LRRC49: variants seen among roughly 807,000 people sequenced by gnomAD.
LRRC49 encodes leucine rich repeat containing 49.
A neutral mutation model predicts 83.3 loss-of-function variants in LRRC49; 50 were observed. That is an observed-to-expected ratio of 0.60 (90% CI 0.48 to 0.76). The LOEUF (loss-of-function observed/expected upper bound fraction) is 0.76, where lower values mean the gene tolerates loss of function less well. LRRC49 is among the 30% of genes least tolerant of loss of function. The pLI, the probability that LRRC49 is intolerant of heterozygous loss-of-function variation, is 0.00. For synonymous variants in LRRC49, 286 were observed against 283.3 expected (o/e 1.01, Z -0.10); for missense variants, 704 against 809.1 (o/e 0.87, Z 1.58).
At chr15:70,882,997 C>A in intron 2 of LRRC49, 1 of 1,401,712 alleles carries the variant, frequency 7.1e-7, no homozygotes, top group South Asian at 1.4e-5. Context: ...GACAGTATAG[C>A]TGAAAATTTT....
rs533101936 is a variant in LRRC49, at chr15:71,050,529, T to C, written c.*917T>C. ...AGCCTATTACCATAGCTAGAGATGA[T>C]GCCACTTCAGAAAAACAATCTTAGT... On this transcript the variant is annotated 3_prime_UTR_variant, in exon 16 of 16. Coordinates refer to ENST00000260382, the MANE Select transcript of LRRC49 (RefSeq NM_017691.5). 4.6e-5 allele frequency: 7 copies of C among 152,316 alleles called. No homozygotes were observed. The highest frequency in any genetic ancestry group is 1.7e-4 in the African/African-American group (7 of 41,574). 9.4% of individuals were successfully genotyped at this position (152,316 alleles called of 1,614,324 possible).
At chr15:71,036,656 C>T (rs1263692234) in intron 14 of LRRC49, among the ~76,000 whole-genome samples, 1 of 152,132 alleles carries the variant, frequency 6.6e-6, no homozygotes, top group Non-Finnish European at 1.5e-5. Flanking sequence ...CTACTAGAAT[C>T]TTGCCATGAT....
At chr15:71,023,215 C>T (rs75002472) in intron 14 of LRRC49, among the ~76,000 whole-genome samples, 2,920 of 152,034 alleles carry the variant, frequency 0.019, 89 homozygotes, top group African/African-American at 0.066. Flanking sequence ...AAAGTGAATG[C>T]GCTAAAACAC....
chr15:71,046,307 A>T (rs1372667014), intron 15 of LRRC49, among the ~76,000 whole-genome samples: 1 of 152,232 alleles, frequency 6.6e-6, no homozygotes, highest in Non-Finnish European at 1.5e-5. Flanking sequence ...TAATTTAATT[A>T]TATTCCCACC....
intron 11 of LRRC49, among the ~76,000 whole-genome samples, chr15:70,991,097 C>A (rs2037863176): frequency 6.6e-6 from 1 of 152,196 alleles, no homozygotes; most frequent in Non-Finnish European, 1.5e-5. Flanking sequence ...GGCATATAAT[C>A]TGAAAGTTAC....
intron 14 of LRRC49, among the ~76,000 whole-genome samples, chr15:71,027,207 C>T (rs1262266559): frequency 6.6e-6 from 1 of 152,130 alleles, no homozygotes; most frequent in East Asian, 1.9e-4. Context: ...GGAATCCTTT[C>T]CCCATTGCTT....
Position 71,012,849 on chromosome 15 carries a change from C to T in LRRC49, c.1639C>T (p.Leu547=). The T allele has an allele frequency of 2.5e-6, 4 of 1,613,212 alleles. No homozygotes were observed. Among genetic ancestry groups the T allele is most frequent in the Non-Finnish European group, 3.4e-6 (4 of 1,179,406 alleles). The change falls in exon 14 of 16, where the codon CTA becomes TTA. Residue 547 remains leucine, a synonymous_variant. Transcript: ENST00000260382. ...AATGGCTGAAAGGCTCTTTGGAATC[C>T]TAGCACATGTAGCATCTTCTGAGTT... ...MIMAERLFGI[L]AHVASSELPQ...
rs139289197 is a variant in LRRC49, at chr15:70,944,936, C to T, written c.773+8114C>T. Reference sequence around the variant, plus strand: ...CTATTTGGTTGGAATTGCAATGTCTCCCAGTTCCATGTGACCCATAGATAC... The same window carrying T: ...CTATTTGGTTGGAATTGCAATGTCTTCCAGTTCCATGTGACCCATAGATAC... On this transcript the variant is annotated intron_variant, in intron 8 of 15. Transcript: ENST00000260382. Among the ~76,000 whole-genome samples the T allele has an allele frequency of 2.5e-3, 386 of 152,252 alleles. 6 individuals carry two copies. The highest frequency in any genetic ancestry group is 9.1e-3 in the African/African-American group (376 of 41,536).
At chr15:70,995,697 G>C (rs537515468) in intron 11 of LRRC49, among the ~76,000 whole-genome samples, 1 of 152,122 alleles carries the variant, frequency 6.6e-6, no homozygotes, top group Admixed American at 6.5e-5. Context: ...CTATTAACGT[G>C]ACTTTCATGA....
chr15:70,883,432 G>C (rs1002146210), intron 2 of LRRC49, among the ~76,000 whole-genome samples: 2 of 152,124 alleles, frequency 1.3e-5, no homozygotes, highest in Non-Finnish European at 2.9e-5. Context: ...AACCTCAGGT[G>C]ATCTGCCCGC....
chr15:71,010,449 G>A (rs2038613691), intron 13 of LRRC49, among the ~76,000 whole-genome samples: 1 of 151,086 alleles, frequency 6.6e-6, no homozygotes, highest in South Asian at 2.1e-4. Context: ...AAAAAGGGGA[G>A]GAAGAAGATG....
chr15:71,002,287 T>G (rs1596125131), intron 11 of LRRC49, among the ~76,000 whole-genome samples: 1 of 151,770 alleles, frequency 6.6e-6, no homozygotes, highest in East Asian at 2.0e-4. Context: ...TTTCTTGGGT[T>G]ACAATGTCTA....
intron 9 of LRRC49, among the ~76,000 whole-genome samples, chr15:70,973,099 G>T (rs1206251498): frequency 6.6e-6 from 1 of 152,132 alleles, no homozygotes; most frequent in Non-Finnish European, 1.5e-5. Flanking sequence ...TTTTGTGCTG[G>T]TTTTTCCTCA....
chr15:70,871,296 A>G (rs2033028649), intron 1 of LRRC49, among the ~76,000 whole-genome samples: 3 of 152,208 alleles, frequency 2.0e-5, no homozygotes, highest in Admixed American at 6.5e-5. Context: ...ACAGCATCCC[A>G]AGGCAGAAGA....
chr15:70,855,779 C>T (rs2032640968), intron 1 of LRRC49, among the ~76,000 whole-genome samples: 1 of 152,144 alleles, frequency 6.6e-6, no homozygotes, highest in Non-Finnish European at 1.5e-5. Context: ...TGTTTCTGCA[C>T]CAGAACAGCT....
intron 5 of LRRC49, among the ~76,000 whole-genome samples, chr15:70,906,796 A>G (rs1361499436): frequency 1.3e-5 from 2 of 152,196 alleles, no homozygotes; most frequent in African/African-American, 4.8e-5. Context: ...AGTAAAAGCA[A>G]TCTAATGCTG....
chr15:71,033,582 A>T lies in LRRC49; in HGVS notation c.1704-3597A>T, dbSNP rs373733195. ...CCAAAAAAGAGCCCATACAGCCAAGACAATCCTAAGCAAAAGAACAAAGCT... is the reference window on the plus strand; with the variant it reads ...CCAAAAAAGAGCCCATACAGCCAAGTCAATCCTAAGCAAAAGAACAAAGCT... On this transcript the variant is annotated intron_variant, in intron 14 of 15. Transcript: ENST00000260382. Among the ~76,000 whole-genome samples, 5 of 152,224 alleles carry T rather than the reference A, an allele frequency of 3.3e-5. No individual in the cohort carries two copies. In the East Asian group the frequency reaches 9.7e-4, roughly 29 times the overall value.
At chr15:71,029,574 T>G (rs1408218799) in intron 14 of LRRC49, among the ~76,000 whole-genome samples, 1 of 152,136 alleles carries the variant, frequency 6.6e-6, no homozygotes, top group Non-Finnish European at 1.5e-5. Flanking sequence ...CTGAATATCC[T>G]TGTTAATTTT....
chr15:70,934,200 C>T (rs2035518365), intron 7 of LRRC49, among the ~76,000 whole-genome samples: 1 of 152,142 alleles, frequency 6.6e-6, no homozygotes, highest in African/African-American at 2.4e-5. Flanking sequence ...TAGTTTTTAA[C>T]AGGTCTTTCT....
Sources: allele counts gnomAD v4.1 joint callset (sites outside exome capture counted in the v4.1 genomes callset), GRCh38; gene constraint gnomAD v4.1.1; transcripts MANE v1.5; gene names NCBI Gene and HGNC (gene_info 2026-07-23, HGNC 2026-07-21).